REC114: variants seen among roughly 807,000 people sequenced by gnomAD.
REC114 encodes meiotic recombination protein REC114.
Under a neutral mutation model 31.3 loss-of-function variants are expected in REC114, and 27 were observed. That is an observed-to-expected ratio of 0.86 (90% CI 0.64 to 1.19). REC114 has a LOEUF of 1.19. REC114 is among the 50% of genes most tolerant of loss of function. REC114 has a pLI of 0.00. For synonymous variants in REC114, 134 were observed against 127.7 expected (o/e 1.05, Z -0.33); for missense variants, 344 against 326.9 (o/e 1.05, Z -0.40).
chr15:73,555,379 C>A (rs965255712), intron 4 of REC114, among the ~76,000 whole-genome samples: 1 of 152,168 alleles, frequency 6.6e-6, no homozygotes, highest in Non-Finnish European at 1.5e-5. Context: ...TAGGAAGGAA[C>A]GGAGGTAGGG....
At chr15:73,523,560 C>T (rs577138418) in intron 2 of REC114, among the ~76,000 whole-genome samples, 3 of 152,312 alleles carry the variant, frequency 2.0e-5, no homozygotes, top group Non-Finnish European at 4.4e-5. Context: ...CACAAGGACA[C>T]AAATGTAGAA....
chr15:73,450,564 TAGAC>T (rs764088412), intron 1 of REC114, among the ~76,000 whole-genome samples: 2 of 152,062 alleles, frequency 1.3e-5, no homozygotes, highest in Non-Finnish European at 2.9e-5. Flanking sequence ...CTGTCAATAT[TAGAC>T]AGATCAATGA....
At chr15:73,447,508 G>C (rs947925219) in intron 1 of REC114, among the ~76,000 whole-genome samples, 1 of 151,976 alleles carries the variant, frequency 6.6e-6, no homozygotes, top group African/African-American at 2.4e-5. Flanking sequence ...GTTCAGACCA[G>C]ACTGGCCAAC....
At chr15:73,517,296 C>G (rs1159066164) in intron 2 of REC114, among the ~76,000 whole-genome samples, 1 of 152,000 alleles carries the variant, frequency 6.6e-6, no homozygotes, top group Non-Finnish European at 1.5e-5. Context: ...TACGTTTTTA[C>G]ATAAAAAAGG....
intron 2 of REC114, among the ~76,000 whole-genome samples, chr15:73,524,749 C>G (rs188239411): frequency 6.6e-6 from 1 of 152,202 alleles, no homozygotes; most frequent in East Asian, 1.9e-4. Flanking sequence ...AGGCACCCAC[C>G]ACCATGCTAG....
chr15:73,510,614 C>T lies in REC114; in HGVS notation c.250-29871C>T, dbSNP rs1340795018. On this transcript the variant is annotated intron_variant, in intron 2 of 5. Coordinates refer to ENST00000331090, the MANE Select transcript of REC114 (RefSeq NM_001042367.2). ...TAGCTCTTATCATTTTGAAATACGTCCCATCAATACCTAATTTATTGAGAG... is the reference window on the plus strand; with the variant it reads ...TAGCTCTTATCATTTTGAAATACGTTCCATCAATACCTAATTTATTGAGAG... Among the ~76,000 whole-genome samples, 3 of 146,956 alleles carry T rather than the reference C, an allele frequency of 2.0e-5. No homozygotes were observed. The East Asian group carries it at 5.9e-4, about 29-fold the overall frequency.
At chr15:73,505,064 A>C (rs1893656339) in intron 2 of REC114, among the ~76,000 whole-genome samples, 1 of 151,594 alleles carries the variant, frequency 6.6e-6, no homozygotes, top group Admixed American at 6.6e-5. Flanking sequence ...TCTGCTTGGG[A>C]AACATGTACA....
chr15:73,480,049 A>G (rs531680671), intron 2 of REC114, among the ~76,000 whole-genome samples: 4 of 152,266 alleles, frequency 2.6e-5, no homozygotes, highest in African/African-American at 9.6e-5. Flanking sequence ...TTACATTACC[A>G]CCAACATTGT....
intron 2 of REC114, among the ~76,000 whole-genome samples, chr15:73,491,287 T>TTTTTTGTATTATCTTTGTGTATTATC (rs1567868913): frequency 5.3e-4 from 80 of 152,100 alleles, no homozygotes; most frequent in African/African-American, 1.9e-3. Flanking sequence ...ATTATCTTAA[T>TTTTTTGTATTATCTTTGTGTATTATC]TTTGTGTATT....
At chr15:73,508,836 A>G (rs568844913) in intron 2 of REC114, among the ~76,000 whole-genome samples, 323 of 151,398 alleles carry the variant, frequency 2.1e-3, no homozygotes, top group South Asian at 4.4e-3. Context: ...CCTTAATCCA[A>G]TCTATCATTG....
At chr15:73,473,157 A>G (rs1208689712) in intron 1 of REC114, among the ~76,000 whole-genome samples, 2 of 152,158 alleles carry the variant, frequency 1.3e-5, no homozygotes, top group Non-Finnish European at 2.9e-5. Context: ...TGGGAGGCTG[A>G]GGTGGGCAGA....
At chr15:73,520,903 A>G (rs1893928621) in intron 2 of REC114, among the ~76,000 whole-genome samples, 1 of 152,140 alleles carries the variant, frequency 6.6e-6, no homozygotes, top group Non-Finnish European at 1.5e-5. Flanking sequence ...TCAAACAGAC[A>G]TGCCTATTGA....
At chr15:73,513,718 T>A (rs1483112233) in intron 2 of REC114, among the ~76,000 whole-genome samples, 5 of 152,018 alleles carry the variant, frequency 3.3e-5, no homozygotes, top group Admixed American at 2.6e-4. Flanking sequence ...GAGGTGTCAG[T>A]GTGCCCCTGC....
intron 2 of REC114, among the ~76,000 whole-genome samples, chr15:73,481,939 G>A (rs753290237): frequency 7.2e-5 from 11 of 152,024 alleles, no homozygotes; most frequent in East Asian, 3.9e-4. Flanking sequence ...GATTACAGGC[G>A]TGAGCCACTG....
At chr15:73,517,522 G>T (rs542215073) in intron 2 of REC114, among the ~76,000 whole-genome samples, 1 of 152,150 alleles carries the variant, frequency 6.6e-6, no homozygotes, top group African/African-American at 2.4e-5. Context: ...AGAAGTGAGG[G>T]GGGGAAAGAG....
intron 2 of REC114, among the ~76,000 whole-genome samples, chr15:73,536,480 T>C (rs1894158467): frequency 6.6e-6 from 1 of 152,176 alleles, no homozygotes; most frequent in African/African-American, 2.4e-5. Flanking sequence ...GTTAACCGCA[T>C]GTTTAATGGC....
rs1227160584 is a variant in REC114, at chr15:73,505,592, C to T, written c.249+31671C>T. Among the ~76,000 whole-genome samples the T allele has an allele frequency of 6.6e-5, 10 of 151,836 alleles. 1 individual carries two copies. Among genetic ancestry groups the T allele is most frequent in the South Asian group, 6.2e-4 (3 of 4,816 alleles). ...TGTCGCCCAGGCTGGAGAGCAGTGG[C>T]GCGATCTCCGCTCACTGCAAGCTCT... On this transcript the variant is annotated intron_variant, in intron 2 of 5. Coordinates refer to ENST00000331090, the MANE Select transcript of REC114 (RefSeq NM_001042367.2).
chr15:73,462,119 A>G (rs1892998249), intron 1 of REC114, among the ~76,000 whole-genome samples: 1 of 150,996 alleles, frequency 6.6e-6, no homozygotes, highest in South Asian at 2.1e-4. Flanking sequence ...TTTTGTAGAG[A>G]TGGGGTTTCA....
chr15:73,473,257 C>T (rs111709993), intron 1 of REC114, among the ~76,000 whole-genome samples: 5,631 of 152,074 alleles, frequency 0.037, 154 homozygotes, highest in African/African-American at 0.078. Context: ...GGCATGGTGG[C>T]GCATGCCTGT....
Sources: allele counts gnomAD v4.1 joint callset (sites outside exome capture counted in the v4.1 genomes callset), GRCh38; gene constraint gnomAD v4.1.1; transcripts MANE v1.5; gene names NCBI Gene and HGNC (gene_info 2026-07-23, HGNC 2026-07-21).